The following CFAP69 variants were observed in gnomAD, a reference collection of about 807,000 sequenced individuals.
CFAP69 encodes cilia- and flagella-associated protein 69.
A neutral mutation model predicts 123.0 loss-of-function variants in CFAP69; 92 were observed. The ratio of observed to expected loss-of-function variants is 0.75; its 90% CI spans 0.63 to 0.89. The LOEUF is 0.89. Among genes scored for constraint, CFAP69 ranks in the 40% least tolerant of loss-of-function variants. CFAP69 has a pLI of 0.00. For synonymous variants in CFAP69, 380 were observed against 364.3 expected (o/e 1.04, Z -0.49); for missense variants, 1,067 against 1,096.9 (o/e 0.97, Z 0.39).
chr7:90,290,780 C>A (rs1158825081), intron 15 of CFAP69, among the ~76,000 whole-genome samples: 3 of 128,440 alleles, frequency 2.3e-5, no homozygotes, highest in African/African-American at 9.8e-5. Flanking sequence ...CTTTTCTTTT[C>A]TTTTCTTTTC....
chr7:90,319,574 G>A, the CFAP69 span: 1 of 398,454 alleles, frequency 2.5e-6, no homozygotes, highest in African/African-American at 2.1e-5. Flanking sequence ...AGTTCCTTGA[G>A]ATCTATCAAT....
intron 6 of CFAP69, chr7:90,270,014 GA>G (rs1454882316): frequency 6.6e-6 from 1 of 152,102 alleles, no homozygotes; most frequent in Non-Finnish European, 1.5e-5. Flanking sequence ...TAGGACTTAA[GA>G]AAAAGGAGTA....
chr7:90,288,106 T>C, intron 14 of CFAP69, 128 bp from the exon 15 acceptor site: 1 of 634,852 alleles, frequency 1.6e-6, no homozygotes, highest in Non-Finnish European at 2.6e-6. Context: ...GCAGTAAAAA[T>C]AGTATTTTTC....
intron 16 of CFAP69, among the ~76,000 whole-genome samples, chr7:90,299,053 T>C (rs1792394028): frequency 6.6e-6 from 1 of 152,174 alleles, no homozygotes; most frequent in South Asian, 2.1e-4. Flanking sequence ...GGGAGTCTCA[T>C]ATAACTCATA....
chr7:90,299,670 T>C (rs1792482094), intron 16 of CFAP69, among the ~76,000 whole-genome samples, 197 bp from the exon 17 acceptor site: 1 of 152,160 alleles, frequency 6.6e-6, no homozygotes, highest in Non-Finnish European at 1.5e-5. Flanking sequence ...TTAAATCTTT[T>C]ACTTTTTATC....
At chr7:90,304,875 T>A (rs1262959903) in intron 19 of CFAP69, 55 bp downstream of exon 19, 1 of 1,138,592 alleles carries the variant, frequency 8.8e-7, no homozygotes, top group Non-Finnish European at 1.3e-6. Context: ...AAAAATTAAC[T>A]GGAAAATAAA....
the CFAP69 span, chr7:90,319,107 G>T: frequency 3.0e-6 from 1 of 331,226 alleles, no homozygotes; most frequent in Non-Finnish European, 5.4e-6. Context: ...GGGCAAACAA[G>T]GATAATTTTA....
At chr7:90,319,871 AG>A in the CFAP69 span, 49 of 397,208 alleles carry the variant, frequency 1.2e-4, no homozygotes, top group African/African-American at 9.6e-4. Context: ...TCTGCTTACT[AG>A]GTATTCATTT....
chr7:90,319,037 C>A, the CFAP69 span: 2 of 201,066 alleles, frequency 9.9e-6, no homozygotes, highest in Non-Finnish European at 2.0e-5. Flanking sequence ...TTTAAAATTT[C>A]TTCAACAAAT....
intron 19 of CFAP69, 65 bp downstream of exon 19, chr7:90,304,885 AATATCT>A: frequency 9.2e-7 from 1 of 1,087,232 alleles, no homozygotes. Context: ...TGGAAAATAA[AATATCT>A]ATTCATGGTT....
chr7:90,270,277 A>G (rs547198769), intron 6 of CFAP69: 1 of 152,288 alleles, frequency 6.6e-6, no homozygotes, highest in East Asian at 1.9e-4. Flanking sequence ...AGTATAAAGT[A>G]CATTTTGGTC....
chr7:90,299,857 C>T lies in CFAP69; in HGVS notation c.1858-10C>T. 6.4e-7 allele frequency: 1 copy of T among 1,570,102 alleles called. No homozygotes were observed. Among genetic ancestry groups the T allele is most frequent in the African/African-American group, 1.4e-5 (1 of 72,162 alleles). ...TGCAACTTTTTTCCTTTTCTGTTTCCTTGCTAAAGTTGAACCAAAAAAAAT... is the reference window on the plus strand; with the variant it reads ...TGCAACTTTTTTCCTTTTCTGTTTCTTTGCTAAAGTTGAACCAAAAAAAAT... On this transcript the variant is annotated splice_polypyrimidine_tract_variant and intron_variant, in intron 16 of 22. Coordinates refer to ENST00000389297, the MANE Select transcript of CFAP69 (RefSeq NM_001039706.3).
At chr7:90,288,003 T>G (rs1268377850) in intron 14 of CFAP69, among the ~76,000 whole-genome samples, 1 of 152,110 alleles carries the variant, frequency 6.6e-6, no homozygotes, top group Non-Finnish European at 1.5e-5. Flanking sequence ...ATTATTAAGC[T>G]GGCATGTTGA....
chr7:90,280,859 A>T (rs1789382279), intron 12 of CFAP69, among the ~76,000 whole-genome samples: 1 of 152,206 alleles, frequency 6.6e-6, no homozygotes, highest in Non-Finnish European at 1.5e-5. Context: ...TCACCCATTT[A>T]TGCATGAAGG....
At chr7:90,306,025 C>G (rs1232106706) in intron 19 of CFAP69, among the ~76,000 whole-genome samples, 1 of 148,358 alleles carries the variant, frequency 6.7e-6, no homozygotes, top group Non-Finnish European at 1.5e-5. Flanking sequence ...TCACTGCAGC[C>G]TCAACCTCCC....
In CFAP69 at chr7:90,277,932, C is replaced by A. The variant is rs143781150; in HGVS notation, c.1155+598C>A. Among the ~76,000 whole-genome samples the A allele has an allele frequency of 7.9e-3, 1,210 of 152,226 alleles. 25 individuals carry two copies. The highest frequency in any genetic ancestry group is 0.028 in the South Asian group (136 of 4,828). ...TCTATCTGTGGTTCATTTCCTCCTC[C>A]TGTAAAGGAAAGATTATAATGCTTC... On this transcript the variant is annotated intron_variant, in intron 11 of 22. Transcript: ENST00000389297.
At chr7:90,262,547 T>A (rs975215421) in intron 4 of CFAP69, among the ~76,000 whole-genome samples, 17 of 152,114 alleles carry the variant, frequency 1.1e-4, no homozygotes, top group African/African-American at 3.9e-4. Flanking sequence ...AGATAAGAAT[T>A]GTAAAATTAA....
intron 11 of CFAP69, among the ~76,000 whole-genome samples, chr7:90,278,348 A>C (rs1788909821): frequency 6.6e-6 from 1 of 152,158 alleles, no homozygotes; most frequent in Non-Finnish European, 1.5e-5. Flanking sequence ...TTTTCTTAGT[A>C]ATGCAACTTT....
At chr7:90,281,257 A>T (rs1025213365) in intron 12 of CFAP69, among the ~76,000 whole-genome samples, 5 of 151,708 alleles carry the variant, frequency 3.3e-5, no homozygotes, top group Non-Finnish European at 1.5e-5. Flanking sequence ...CTATAATAGA[A>T]CCCACAATTT....
Sources: allele counts gnomAD v4.1 joint callset (sites outside exome capture counted in the v4.1 genomes callset), GRCh38; gene constraint gnomAD v4.1.1; transcripts MANE v1.5; gene names NCBI Gene and HGNC (gene_info 2026-07-23, HGNC 2026-07-21).